Variants in IL1RAPL1 observed in about 807,000 individuals in gnomAD.
The protein encoded by IL1RAPL1 is interleukin 1 receptor accessory protein like 1.
A neutral mutation model predicts 48.4 loss-of-function variants in IL1RAPL1; 3 were observed. That is an observed-to-expected ratio of 0.06 (90% CI 0.03 to 0.16). The LOEUF is 0.16. Ranked by LOEUF, IL1RAPL1 falls within the 10% of genes least tolerant of loss-of-function variation. IL1RAPL1 has a pLI of 1.00. For synonymous variants in IL1RAPL1, 185 were observed against 187.7 expected (o/e 0.99, Z 0.12); for missense variants, 349 against 530.6 (o/e 0.66, Z 3.36).
At chrX:28,870,644 C>T (rs977338863) in intron 2 of IL1RAPL1, among the ~76,000 whole-genome samples, 2 of 111,614 alleles carry the variant, frequency 1.8e-5, no homozygotes, top group African/African-American at 6.5e-5. Flanking sequence ...TTATATATCT[C>T]TTCCATGATG....
intron 6 of IL1RAPL1, among the ~76,000 whole-genome samples, chrX:29,848,997 C>A (rs1269218838): frequency 9.1e-6 from 1 of 110,177 alleles, no homozygotes; most frequent in Non-Finnish European, 1.9e-5. Context: ...GAACTCCTAC[C>A]CTTAAGTGAT....
chrX:28,673,700 C>T (rs776039625), intron 1 of IL1RAPL1, among the ~76,000 whole-genome samples: 2 of 111,367 alleles, frequency 1.8e-5, no homozygotes, highest in East Asian at 2.8e-4. Context: ...TATAAAATCT[C>T]GGAGGGTGTG....
intron 2 of IL1RAPL1, among the ~76,000 whole-genome samples, chrX:28,932,208 A>T (rs1923902651): frequency 9.0e-6 from 1 of 111,075 alleles, no homozygotes; most frequent in South Asian, 3.7e-4. Context: ...AGTTCTACTT[A>T]CATTCAGTGT....
chrX:29,868,810 C>T (rs910029357), intron 6 of IL1RAPL1, among the ~76,000 whole-genome samples: 1 of 112,091 alleles, frequency 8.9e-6, no homozygotes, highest in African/African-American at 3.2e-5. Flanking sequence ...GCTTAACTGG[C>T]AATTTTAGGT....
At chrX:29,101,712 G>A (rs1928342284) in intron 2 of IL1RAPL1, among the ~76,000 whole-genome samples, 1 of 111,515 alleles carries the variant, frequency 9.0e-6, no homozygotes, top group Non-Finnish European at 1.9e-5. Flanking sequence ...GAGACGGGAG[G>A]ATCACTTGAG....
intron 2 of IL1RAPL1, among the ~76,000 whole-genome samples, chrX:28,927,682 G>GC (rs2147341303): frequency 9.4e-6 from 1 of 106,481 alleles, no homozygotes; most frequent in African/African-American, 3.4e-5. Flanking sequence ...AAATTGAATG[G>GC]CCATGTCTCT....
At chrX:28,825,928 A>G (rs1311210727) in intron 2 of IL1RAPL1, among the ~76,000 whole-genome samples, 2 of 111,420 alleles carry the variant, frequency 1.8e-5, no homozygotes, top group African/African-American at 6.5e-5. Flanking sequence ...TTGATATAGT[A>G]AGACATTTGA....
chrX:29,691,538 T>C (rs1384546755), intron 6 of IL1RAPL1, among the ~76,000 whole-genome samples: 1 of 111,456 alleles, frequency 9.0e-6, no homozygotes, highest in Non-Finnish European at 1.9e-5. Context: ...TGTTATTAAA[T>C]GATAAAGAAT....
At chrX:29,143,624 G>C (rs932300869) in intron 2 of IL1RAPL1, among the ~76,000 whole-genome samples, 2 of 111,778 alleles carry the variant, frequency 1.8e-5, no homozygotes, top group African/African-American at 6.5e-5. Context: ...AGCAGGCTAG[G>C]TTATCAGATC....
At chrX:28,662,726 T>G (rs1258156539) in intron 1 of IL1RAPL1, among the ~76,000 whole-genome samples, 1 of 111,588 alleles carries the variant, frequency 9.0e-6, no homozygotes, top group Non-Finnish European at 1.9e-5. Context: ...CATATAATAG[T>G]GCGGCTTTCT....
chrX:29,506,716 C>CTT (rs367661269), intron 5 of IL1RAPL1, among the ~76,000 whole-genome samples: 26 of 102,419 alleles, frequency 2.5e-4, no homozygotes, highest in African/African-American at 8.2e-4. Flanking sequence ...AATTTGTTGT[C>CTT]TTTTTTTTTT....
intron 6 of IL1RAPL1, among the ~76,000 whole-genome samples, chrX:29,861,657 A>G (rs1448695288): frequency 2.6e-4 from 29 of 111,028 alleles, no homozygotes; most frequent in Admixed American, 1.3e-3. Flanking sequence ...GAACTTCCTC[A>G]TGTAACCAAA....
intron 2 of IL1RAPL1, among the ~76,000 whole-genome samples, chrX:28,938,986 C>T (rs367658384): frequency 1.1e-4 from 12 of 108,150 alleles, no homozygotes; most frequent in South Asian, 4.0e-4. Flanking sequence ...CATCTCGTAC[C>T]AGTCAGAATG....
chrX:29,343,857 C>T (rs562599858), intron 3 of IL1RAPL1, among the ~76,000 whole-genome samples: 8 of 111,516 alleles, frequency 7.2e-5, no homozygotes, highest in African/African-American at 2.3e-4. Flanking sequence ...TCTTGGCCCA[C>T]ATTAGTCTTT....
chrX:29,429,616 A>T (rs1163946531), intron 5 of IL1RAPL1, among the ~76,000 whole-genome samples: 3 of 111,267 alleles, frequency 2.7e-5, no homozygotes, highest in Non-Finnish European at 5.6e-5. Flanking sequence ...AAGCAAAGGG[A>T]GCCAGGATAG....
At chrX:28,648,866 G>A (rs180817418) in intron 1 of IL1RAPL1, among the ~76,000 whole-genome samples, 26 of 111,896 alleles carry the variant, frequency 2.3e-4, no homozygotes, top group Non-Finnish European at 4.3e-4. Flanking sequence ...ATGACAGTGG[G>A]ATACAAAGTT....
intron 1 of IL1RAPL1, among the ~76,000 whole-genome samples, chrX:28,747,141 A>G (rs1348194473): frequency 1.8e-5 from 2 of 110,771 alleles, no homozygotes; most frequent in Non-Finnish European, 3.8e-5. Context: ...ACCATATTTC[A>G]TGTTATTGTT....
chrX:28,958,143 AT>A (rs906676728), intron 2 of IL1RAPL1, among the ~76,000 whole-genome samples: 5 of 109,778 alleles, frequency 4.6e-5, no homozygotes, highest in Non-Finnish European at 9.5e-5. Context: ...CTTGAAATCT[AT>A]TTTTTTTAGT....
intron 8 of IL1RAPL1, among the ~76,000 whole-genome samples, chrX:29,941,310 TAA>T (rs979620557): frequency 8.9e-6 from 1 of 112,319 alleles, no homozygotes; most frequent in Non-Finnish European, 1.9e-5. Context: ...TACATTTATA[TAA>T]GAGAGTTATG....
Sources: allele counts gnomAD v4.1 joint callset (sites outside exome capture counted in the v4.1 genomes callset), GRCh38; gene constraint gnomAD v4.1.1; transcripts MANE v1.5; gene names NCBI Gene and HGNC (gene_info 2026-07-23, HGNC 2026-07-21).